RIPK2: variants seen among roughly 807,000 people sequenced by gnomAD.
RIPK2 encodes receptor-interacting serine/threonine-protein kinase 2.
In RIPK2, 38 loss-of-function variants were observed where a neutral mutation model predicts 60.9. The observed-to-expected ratio is 0.62, with a 90% CI of 0.48 to 0.82. The LOEUF (loss-of-function observed/expected upper bound fraction) is 0.82, where lower values mean the gene tolerates loss of function less well. Ranked by LOEUF, RIPK2 falls within the 40% of genes least tolerant of loss-of-function variation. The pLI is 0.00. For missense variants in RIPK2, 518 were observed against 647.0 expected (o/e 0.80, Z 2.16); for synonymous variants, 225 against 223.4 (o/e 1.01, Z -0.06).
chr8:89,785,638 C>T (rs1403961890), intron 8 of RIPK2, among the ~76,000 whole-genome samples: 1 of 152,146 alleles, frequency 6.6e-6, no homozygotes, highest in Non-Finnish European at 1.5e-5. Flanking sequence ...CCAAACACTT[C>T]TGGTTCCAAG....
chr8:89,775,266 TG>T (rs1809377790), intron 6 of RIPK2, among the ~76,000 whole-genome samples: 1 of 151,876 alleles, frequency 6.6e-6, no homozygotes, highest in Non-Finnish European at 1.5e-5. Context: ...AGCAACACCT[TG>T]TCTCAACAAA....
In RIPK2 at chr8:89,784,146, A is replaced by T. The variant is rs752001856; in HGVS notation, c.1029+7A>T. 1.9e-4 allele frequency: 158 copies of T among 818,046 alleles called. No individual in the cohort carries two copies. The highest frequency in any genetic ancestry group is 2.0e-4 in the Non-Finnish European group (111 of 560,954). 50.7% of individuals were successfully genotyped at this position (818,046 alleles called of 1,614,324 possible). ...AAATCATGGTCCACAAGAGGTAAAA[A>T]AAAAAAAAAAAAAAAAAAGGTTATA... On this transcript the variant is annotated splice_region_variant and intron_variant, in intron 8 of 10. Transcript: ENST00000220751.
At position 89,784,046 on chromosome 8, in the gene RIPK2, A is replaced by G. The variant is rs781525316; in HGVS notation, c.940-4A>G. On this transcript the variant is annotated splice_region_variant and splice_polypyrimidine_tract_variant and intron_variant, in intron 7 of 10. Coordinates refer to ENST00000220751, the MANE Select transcript of RIPK2 (RefSeq NM_003821.6). Reference sequence around the variant, plus strand: ...GTGTATATATATTTATGTATTCATTACAGTTACAGAGTGTTTCAAGTGCCA... The same window carrying G: ...GTGTATATATATTTATGTATTCATTGCAGTTACAGAGTGTTTCAAGTGCCA... 1 of 1,486,936 alleles carries G rather than the reference A, an allele frequency of 6.7e-7. No homozygotes were observed. The highest frequency in any genetic ancestry group is 2.3e-5 in the East Asian group (1 of 43,728). The allele number at this position is 1,486,936 out of a possible 1,614,324, so 92.1% of individuals were successfully genotyped here.
intron 8 of RIPK2, among the ~76,000 whole-genome samples, chr8:89,786,369 G>A (rs2130587490): frequency 6.6e-6 from 1 of 152,020 alleles, no homozygotes; most frequent in African/African-American, 2.4e-5. Flanking sequence ...AGCTATTAAG[G>A]AGGCTGAGAT....
Position 89,765,331 on chromosome 8 carries a change from A to G in RIPK2, c.328-10A>G, listed in dbSNP as rs750457503. 3 of 1,588,314 alleles carry G rather than the reference A, an allele frequency of 1.9e-6. No homozygotes were observed. Among genetic ancestry groups the G allele is most frequent in the South Asian group, 2.3e-5 (2 of 87,826 alleles). ...AATTTCATTTTCTTTCTTTTCACAT[A>G]TATATGAAGAAAACTGAATATCCTG... On this transcript the variant is annotated splice_polypyrimidine_tract_variant and intron_variant, in intron 2 of 10. Transcript: ENST00000220751.
intron 3 of RIPK2, among the ~76,000 whole-genome samples, chr8:89,767,306 A>C (rs1274154422): frequency 6.6e-6 from 1 of 151,738 alleles, no homozygotes; most frequent in Non-Finnish European, 1.5e-5. Context: ...TTTATGTATC[A>C]TTTTGCTATA....
chr8:89,783,495 C>T (rs533070373), intron 7 of RIPK2, among the ~76,000 whole-genome samples: 5 of 152,286 alleles, frequency 3.3e-5, no homozygotes, highest in South Asian at 2.1e-4. Context: ...TAATGTCTCA[C>T]GTCAAACAGA....
chr8:89,788,067 T>C (rs1332053111), intron 9 of RIPK2, among the ~76,000 whole-genome samples: 3 of 152,096 alleles, frequency 2.0e-5, no homozygotes, highest in Admixed American at 6.6e-5. Flanking sequence ...ACAGGCTGCA[T>C]GCGGTGGCTC....
At chr8:89,775,964 T>C (rs903006713) in intron 6 of RIPK2, among the ~76,000 whole-genome samples, 2 of 152,212 alleles carry the variant, frequency 1.3e-5, no homozygotes, top group Non-Finnish European at 2.9e-5. Flanking sequence ...TCATTACTGA[T>C]AAAGCTAATT....
At chr8:89,772,250 AT>A (rs1368161213) in intron 5 of RIPK2, among the ~76,000 whole-genome samples, 2 of 152,018 alleles carry the variant, frequency 1.3e-5, no homozygotes, top group East Asian at 1.9e-4. Context: ...AATATTGTTT[AT>A]TTCTTTATTT....
Position 89,758,041 on chromosome 8 carries a change from C to T in RIPK2, c.-20C>T. 1.3e-6 allele frequency: 2 copies of T among 1,561,610 alleles called. No individual in the cohort carries two copies. Among genetic ancestry groups the T allele is most frequent in the Non-Finnish European group, 1.7e-6 (2 of 1,152,396 alleles). On this transcript the variant is annotated 5_prime_UTR_variant, in exon 1 of 11. Transcript: ENST00000220751. ...CCGCAGCAGGGGGCACACCCGGAAC[C>T]GGCCTGAGCGCCCGGGACCATGAAC...
intron 4 of RIPK2, 116 bp downstream of exon 4, chr8:89,770,045 G>T: frequency 1.2e-6 from 1 of 854,028 alleles, no homozygotes; most frequent in Non-Finnish European, 1.7e-6. Flanking sequence ...CATAATTGTG[G>T]TGAAAATAAA....
In RIPK2 at chr8:89,769,918, C is replaced by T. The variant is rs775233490; in HGVS notation, c.630C>T (p.His210=). ...AAAAATCAAGGGCCAGTATCAAGCA[C>T]GATATATATAGGTAGAGTAAAGTTG... ...PGQKSRASIK[H]DIYSYAVITW... The change falls in exon 4 of 11, where the codon CAC becomes CAT. Residue 210 remains histidine, a synonymous_variant. Coordinates refer to ENST00000220751, the MANE Select transcript of RIPK2 (RefSeq NM_003821.6). 1.4e-5 allele frequency: 22 copies of T among 1,600,142 alleles called. No homozygotes were observed. In the South Asian group the frequency reaches 1.7e-4, roughly 12 times the overall value.
chr8:89,790,049 T>G (rs1809650830), intron 10 of RIPK2, 30 bp from the exon 11 acceptor site: 2 of 1,529,912 alleles, frequency 1.3e-6, no homozygotes, highest in Non-Finnish European at 1.8e-6. Context: ...TCCTCACCTT[T>G]TAAATTATTC....
intron 6 of RIPK2, 78 bp from the exon 7 acceptor site, chr8:89,779,997 T>C (rs574207261): frequency 7.0e-6 from 5 of 715,394 alleles, no homozygotes; most frequent in African/African-American, 5.6e-5. Context: ...CTTGAGGCCT[T>C]GTACATTAAA....
intron 3 of RIPK2, among the ~76,000 whole-genome samples, chr8:89,767,171 A>G (rs1403881374): frequency 2.0e-5 from 3 of 151,664 alleles, no homozygotes; most frequent in Non-Finnish European, 3.0e-5. Context: ...TCATTTTTTA[A>G]TAAGATGCAG....
intron 1 of RIPK2, chr8:89,759,253 G>A (rs1023471988): frequency 4.4e-6 from 2 of 454,890 alleles, no homozygotes; most frequent in African/African-American, 2.0e-5. Flanking sequence ...CATTACAACC[G>A]CGTGCCATAG....
At chr8:89,760,525 A>G (rs1435265691) in intron 1 of RIPK2, among the ~76,000 whole-genome samples, 1 of 152,216 alleles carries the variant, frequency 6.6e-6, no homozygotes, top group South Asian at 2.1e-4. Context: ...CACTCACTCA[A>G]TCTTGCCAAA....
intron 3 of RIPK2, among the ~76,000 whole-genome samples, chr8:89,768,085 T>G (rs187994809): frequency 1.4e-3 from 209 of 151,806 alleles, no homozygotes; most frequent in African/African-American, 4.4e-3. Flanking sequence ...AGTTCCTTAA[T>G]AATTCATCAG....
Sources: gnomAD v4.1 joint callset for allele counts (sites outside exome capture counted in the v4.1 genomes callset) on GRCh38, gnomAD v4.1.1 for gene constraint, MANE v1.5 for transcripts, NCBI Gene and HGNC (gene_info 2026-07-23, HGNC 2026-07-21) for gene names.